The following DNHD1 variants were observed in gnomAD, a reference collection of about 807,000 sequenced individuals.
DNHD1 encodes the protein dynein heavy chain domain 1, also known as dynein heavy chain domain-containing protein 1.
Under a neutral mutation model 458.1 loss-of-function variants are expected in DNHD1, and 383 were observed. The observed-to-expected ratio is 0.84, with a 90% confidence interval of 0.77 to 0.91. DNHD1 has a LOEUF of 0.91. Among genes scored for constraint, DNHD1 ranks in the 40% least tolerant of loss-of-function variants. DNHD1 has a pLI of 0.00. For synonymous variants in DNHD1, 2,203 were observed against 2,376.9 expected (o/e 0.93, Z 2.13); for missense variants, 5,336 against 5,866.1 (o/e 0.91, Z 2.95).
rs545654795 is a variant in DNHD1 at position 6,528,519 on chromosome 11, TAGA to T, written c.1842_1844del (p.Glu614del). On this transcript the variant is annotated splice_acceptor_variant and coding_sequence_variant, in exon 11 of 43. Coordinates refer to ENST00000254579, the MANE Select transcript of DNHD1 (RefSeq NM_144666.3). LOFTEE classifies it high-confidence loss of function. ...CGGACAATTATGGCCTGTGCTCCAC[TAGA>T]AGAAGATGAAGAGGAGGACTCAAAA... The T allele has an allele frequency of 3.2e-5, 49 of 1,548,512 alleles. No homozygotes were observed. The South Asian group carries it at 4.8e-4, about 15-fold the overall frequency.
chr11:6,567,253 C>T lies in DNHD1; in HGVS notation c.11744C>T (p.Thr3915Ile). The change falls in exon 36 of 43, where the codon ACC (threonine) becomes ATC (isoleucine). Residue 3915 changes from threonine to isoleucine, a missense_variant. By Grantham distance (89) the Thr-to-Ile change is moderately conservative. Transcript: ENST00000254579. ...CTACTGCAATTGAGAGCACACCTGA[C>T]CCGCCAGCTGCTGGGCAGCACCGTG... The part of the protein sequence containing the change: ...SHLLQLRAHL[T>I]RQLLGSTVTA... The T allele has an allele frequency of 6.2e-7, 1 of 1,614,018 alleles. No individual in the cohort carries two copies. Among genetic ancestry groups the T allele is most frequent in the Non-Finnish European group, 8.5e-7 (1 of 1,179,900 alleles).
At chr11:6,519,547 G>A in intron 7 of DNHD1, 53 bp from the exon 8 acceptor site, 1 of 1,599,668 alleles carries the variant, frequency 6.3e-7, no homozygotes, top group Non-Finnish European at 8.5e-7. Flanking sequence ...CTAGTGGGTG[G>A]CTGGTTTGCT....
rs1853271207 is a variant in DNHD1 at position 6,548,546 on chromosome 11, C to T, written c.7099-99C>T. Reference sequence around the variant, plus strand: ...TCACAAGAATACATGAAATATTTTCCAAGTACAGCTCTAGGACAAGTCCCT... The same window carrying T: ...TCACAAGAATACATGAAATATTTTCTAAGTACAGCTCTAGGACAAGTCCCT... On this transcript the variant is annotated intron_variant, in intron 23 of 42. Coordinates refer to ENST00000254579, the MANE Select transcript of DNHD1 (RefSeq NM_144666.3). This position sits in a 1 kb window ranked among gnomAD's most constrained non-coding sequence, Gnocchi z 4.4. 1.2e-5 allele frequency: 18 copies of T among 1,475,846 alleles called. No individual in the cohort carries two copies. Among genetic ancestry groups the T allele is most frequent in the Non-Finnish European group, 1.6e-5 (18 of 1,094,220 alleles). The allele number at this position is 1,475,846 out of a possible 1,614,324, so 91.4% of individuals were successfully genotyped here.
In DNHD1 at chr11:6,498,325, C is replaced by A. The variant is rs763280099; in HGVS notation, c.110C>A (p.Ala37Asp). The change falls in exon 3 of 43, where the codon GCC becomes GAC. Residue 37 changes from alanine (A) to aspartate (D), a missense_variant. By Grantham distance (126) the Ala-to-Asp change is moderately radical. Around this residue, in one of 4 missense-constraint regions of DNHD1, gnomAD observed 3,932 missense variants for 4,365.6 expected, o/e 0.90. Transcript: ENST00000254579. The stretch of plus-strand genomic sequence containing the variant: ...TTGGACAGCAAAGAACAGCCCTTGG[C>A]CTGCCAGCAGAAACAGAGGCAGTTC... ...CVLDSKEQPLACQQKQRQFVK... is the reference protein window; with the variant it reads ...CVLDSKEQPLDCQQKQRQFVK... 1.2e-6 allele frequency: 2 copies of A among 1,614,210 alleles called. No individual in the cohort carries two copies. The highest frequency in any genetic ancestry group is 1.7e-6 in the Non-Finnish European group (2 of 1,180,046).
rs1256302222 is a variant in DNHD1, at chr11:6,538,689, G to T, written c.3204G>T (p.Leu1068=). The T allele has an allele frequency of 2.6e-6, 4 of 1,549,848 alleles. No homozygotes were observed. In the East Asian group the frequency reaches 9.8e-5, roughly 38 times the overall value. The change falls in exon 16 of 43, where the codon CTG becomes CTT. Residue 1068 remains leucine (L), a synonymous_variant. Coordinates refer to ENST00000254579, the MANE Select transcript of DNHD1 (RefSeq NM_144666.3). ...EAARMSTTLE[L]HSPVLQHCMR... ...CACGGATGAGCACAACCCTGGAGCT[G>T]CACAGCCCCGTGCTGCAGCACTGCA... is the stretch of plus-strand genomic sequence containing the variant.
In DNHD1 at chr11:6,544,646, A is replaced by G. The variant is rs1213324606; in HGVS notation, c.3827A>G (p.Lys1276Arg). The G allele has an allele frequency of 6.4e-7, 1 of 1,551,474 alleles. No homozygotes were observed. Among genetic ancestry groups the G allele is most frequent in the Admixed American group, 2.0e-5 (1 of 50,986 alleles). The change falls in exon 20 of 43, where the codon AAG (lysine) becomes AGG (arginine). Residue 1276 changes from lysine to arginine, a missense_variant. Lys to Arg is a conservative substitution (Grantham distance 26). Coordinates refer to ENST00000254579, the MANE Select transcript of DNHD1 (RefSeq NM_144666.3). ...IFLNKVLHEM[K>R]IQFPNADLNS... ...CTGAATAAAGTTCTGCATGAGATGA[A>G]GATCCAGTTTCCTAATGCTGACCTG...
rs372328801 is a variant in DNHD1, at chr11:6,524,332, C to T, written c.1837+4043C>T. Among the ~76,000 whole-genome samples, 9 of 152,334 alleles carry T rather than the reference C, an allele frequency of 5.9e-5. 1 individual carries two copies. Among genetic ancestry groups the T allele is most frequent in the African/African-American group, 2.2e-4 (9 of 41,568 alleles). On this transcript the variant is annotated intron_variant, in intron 10 of 42. Transcript: ENST00000254579. Reference sequence around the variant, plus strand: ...AGAATATCAGGAAGAGAACCCCTGTCTCTCAAATTTCTGCTTATCCCTTTT... The same window carrying T: ...AGAATATCAGGAAGAGAACCCCTGTTTCTCAAATTTCTGCTTATCCCTTTT...
chr11:6,539,415 G>C, intron 17 of DNHD1, 102 bp downstream of exon 17: 1 of 895,402 alleles, frequency 1.1e-6, no homozygotes, highest in East Asian at 2.6e-5. Context: ...TTAATGTGGG[G>C]TTGAGCCTGC....
rs151178815 is a variant in DNHD1 at position 6,511,602 on chromosome 11, T to A, written c.1392+173T>A. 8.0e-4 allele frequency among the ~76,000 whole-genome samples: 122 copies of A among 152,326 alleles called. 1 individual carries two copies. The East Asian group carries it at 0.017, about 21-fold the overall frequency. ...CAGTTTCTGCTCTAGGATGGATGAATCAATAACAGGTGTGCAGAGGCTTGA... is the reference window on the plus strand; with the variant it reads ...CAGTTTCTGCTCTAGGATGGATGAAACAATAACAGGTGTGCAGAGGCTTGA... On this transcript the variant is annotated intron_variant, in intron 7 of 42. Coordinates refer to ENST00000254579, the MANE Select transcript of DNHD1 (RefSeq NM_144666.3).
Position 6,544,254 on chromosome 11 carries a change from C to T in DNHD1, c.3754+8C>T. ...CCATCATGCATGGCCTGGGTAAGTG[C>T]AGGCCTCTAGCCAGGCTGATGGGTG... On this transcript the variant is annotated splice_region_variant and intron_variant, in intron 19 of 42. Coordinates refer to ENST00000254579, the MANE Select transcript of DNHD1 (RefSeq NM_144666.3). 6.4e-7 allele frequency: 1 copy of T among 1,551,378 alleles called. No individual in the cohort carries two copies.
At position 6,547,126 on chromosome 11, in the gene DNHD1, G is replaced by A. The variant is rs757027777; in HGVS notation, c.6187G>A (p.Gly2063Ser). 2.8e-5 allele frequency: 44 copies of A among 1,551,572 alleles called. No individual in the cohort carries two copies. The South Asian group carries it at 3.5e-4, about 12-fold the overall frequency. The change falls in exon 21 of 43, where the codon GGT becomes AGT. Residue 2063 changes from glycine (G) to serine (S), a missense_variant. By Grantham distance (56) the Gly-to-Ser change is moderately conservative. Transcript: ENST00000254579. Reference sequence around the variant, plus strand: ...CTTTCCCAAGGTACTTCGTGCAGCCGGTCAGTGTAACAACATGGGCCAAAA... The same window carrying A: ...CTTTCCCAAGGTACTTCGTGCAGCCAGTCAGTGTAACAACATGGGCCAAAA... Reference protein sequence around the residue: ...GIFPKVLRAAGQCNNMGQKRQ... With the variant: ...GIFPKVLRAASQCNNMGQKRQ...
chr11:6,509,036 G>C lies in DNHD1; in HGVS notation c.1077G>C (p.Gln359His). ...HHHCVLWQQL[Q>H]FIPFFKYCLL... ...ACTGTGTTCTCTGGCAGCAGCTCCA[G>C]TTCATTCCATTCTTTAAGTATTGCC... Residue 359 changes from glutamine (Q) to histidine (H), a missense_variant, in exon 5 of 43, where the codon CAG becomes CAC. Coordinates refer to ENST00000254579, the MANE Select transcript of DNHD1 (RefSeq NM_144666.3). 3 of 1,614,224 alleles carry C rather than the reference G, an allele frequency of 1.9e-6. No homozygotes were observed. Among genetic ancestry groups the C allele is most frequent in the Non-Finnish European group, 2.5e-6 (3 of 1,180,034 alleles).
rs117390431 is a variant in DNHD1, at chr11:6,500,255, C to T, written c.746+1294C>T. On this transcript the variant is annotated intron_variant, in intron 3 of 42. Coordinates refer to ENST00000254579, the MANE Select transcript of DNHD1 (RefSeq NM_144666.3). ...TGCTGGGATTACAGGCATAAGCCACCGTGCCCAAGAGAGTTTTTTAACTTT... is the reference window on the plus strand; with the variant it reads ...TGCTGGGATTACAGGCATAAGCCACTGTGCCCAAGAGAGTTTTTTAACTTT... 2.0e-3 allele frequency among the ~76,000 whole-genome samples: 300 copies of T among 152,356 alleles called. 2 individuals carry two copies. The highest frequency in any genetic ancestry group is 5.6e-3 in the Admixed American group (86 of 15,312).
chr11:6,515,729 T>G (rs987300195), intron 7 of DNHD1, among the ~76,000 whole-genome samples: 5 of 152,074 alleles, frequency 3.3e-5, no homozygotes, highest in Middle Eastern at 3.4e-3. Flanking sequence ...TAAAAGAATA[T>G]GTATTAGGCC....
rs1853480571 is a variant in DNHD1, at chr11:6,557,134, T to C, written c.7839T>C (p.Phe2613=). The part of the protein sequence containing the change: ...LLPNRTGSRG[F]VDYPNHQEHL... ...CCAACAGAACAGGCTCCCGAGGTTT[T>C]GTGGACTATCCCAACCACCAGGAGC... The change falls in exon 25 of 43, where the codon TTT becomes TTC. Residue 2613 remains phenylalanine (F), a synonymous_variant. Coordinates refer to ENST00000254579, the MANE Select transcript of DNHD1 (RefSeq NM_144666.3). 4.5e-6 allele frequency: 7 copies of C among 1,551,748 alleles called. No homozygotes were observed. The highest frequency in any genetic ancestry group is 6.1e-6 in the Non-Finnish European group (7 of 1,146,998).
Position 6,540,020 on chromosome 11 carries a change from C to CAG in DNHD1, c.3566_3567dup (p.Val1190ArgfsTer10), listed in dbSNP as rs1213799366. Reference sequence around the variant, plus strand: ...CCCAGCCTCAGAGCGCTCCAAGAGGCAGGTGCTCCGCAGCCCCCAATGGGA... The same window carrying CAG: ...CCCAGCCTCAGAGCGCTCCAAGAGGCAGAGGTGCTCCGCAGCCCCCAATGGGA... On this transcript the variant is annotated frameshift_variant, in exon 18 of 43. Coordinates refer to ENST00000254579, the MANE Select transcript of DNHD1 (RefSeq NM_144666.3). LOFTEE classifies it high-confidence loss of function. 6.4e-7 allele frequency: 1 copy of CAG among 1,551,582 alleles called. No homozygotes were observed. Among genetic ancestry groups the CAG allele is most frequent in the Non-Finnish European group, 8.7e-7 (1 of 1,146,950 alleles).
In DNHD1 at chr11:6,558,969, C is replaced by T. The variant is rs1173390053; in HGVS notation, c.9279C>T (p.His3093=). The T allele has an allele frequency of 1.2e-5, 18 of 1,551,724 alleles. No individual in the cohort carries two copies. The highest frequency in any genetic ancestry group is 1.4e-5 in the African/African-American group (1 of 73,160). The change falls in exon 27 of 43, where the codon CAC becomes CAT. Residue 3093 remains histidine, a synonymous_variant. Coordinates refer to ENST00000254579, the MANE Select transcript of DNHD1 (RefSeq NM_144666.3). ...PSVAKAMALI[H]LSATHYHEHL... is the part of the protein sequence containing the mutation. ...TGGCCAAAGCCATGGCTCTTATCCA[C>T]CTTTCGGCCACCCACTACCATGAGC...
chr11:6,539,714 C>A (rs755040794), intron 17 of DNHD1, among the ~76,000 whole-genome samples, 162 bp from the exon 18 acceptor site: 9 of 152,194 alleles, frequency 5.9e-5, no homozygotes, highest in Non-Finnish European at 1.2e-4. Context: ...GATGGCCTAT[C>A]TTTGAAGCCT....
chr11:6,509,711 CT>C (rs1279192431), intron 6 of DNHD1, among the ~76,000 whole-genome samples: 1 of 151,514 alleles, frequency 6.6e-6, no homozygotes, highest in Admixed American at 6.6e-5. Flanking sequence ...TTCTATTTTT[CT>C]TTTTTTTGGA....
Sources: allele counts gnomAD v4.1 joint callset (sites outside exome capture counted in the v4.1 genomes callset), GRCh38; gene constraint gnomAD v4.1.1; regional missense constraint gnomAD v4.1.1; non-coding constraint Gnocchi (gnomAD v3.1); transcripts MANE v1.5; gene names NCBI Gene and HGNC (gene_info 2026-07-23, HGNC 2026-07-21).